The following RIMS1 variants were observed in gnomAD, a reference collection of about 807,000 sequenced individuals.
RIMS1 encodes the protein regulating synaptic membrane exocytosis protein 1.
In RIMS1, 83 loss-of-function variants were observed where a neutral mutation model predicts 214.1. The observed-to-expected ratio is 0.39, with a 90% CI of 0.32 to 0.47. The LOEUF is 0.47. Among genes scored for constraint, RIMS1 ranks in the 20% least tolerant of loss-of-function variants. RIMS1 has a pLI of 0.99. For missense variants in RIMS1, 2,050 were observed against 2,161.8 expected, an observed-to-expected ratio of 0.95 and a Z score of 1.03; for synonymous variants, 793 against 786.8, an observed-to-expected ratio of 1.01 and a Z score of -0.13.
At chr6:72,222,858 A>G (rs1476269188) in intron 6 of RIMS1, among the ~76,000 whole-genome samples, 1 of 152,170 alleles carries the variant, frequency 6.6e-6, no homozygotes, top group Non-Finnish European at 1.5e-5. Flanking sequence ...AGTTGTTTTC[A>G]TATATAACTG....
chr6:72,308,040 T>C (rs921776459), intron 27 of RIMS1, among the ~76,000 whole-genome samples: 1 of 152,172 alleles, frequency 6.6e-6, no homozygotes, highest in African/African-American at 2.4e-5. Context: ...TATATATTTA[T>C]AGTCTTAAGT....
rs769837216 is a variant in RIMS1, at chr6:72,182,782, G to A, written c.1311G>A (p.Arg437=). Residue 437 remains arginine (R), a synonymous_variant, in exon 6 of 34, where the codon AGG becomes AGA. Transcript: ENST00000521978. ...AYSAERTAET[R]APGAKQLTNH... The stretch of plus-strand genomic sequence containing the variant: ...CGGCTGAGAGAACTGCGGAGACCAG[G>A]GCGCCGGGCGCCAAGCAGCTAACGA... 41 of 1,545,430 alleles carry A rather than the reference G, an allele frequency of 2.7e-5. 1 individual carries two copies. In the East Asian group the frequency reaches 6.6e-4, roughly 25 times the overall value.
At chr6:72,294,982 A>G (rs2093908444) in intron 26 of RIMS1, among the ~76,000 whole-genome samples, 3 of 151,848 alleles carry the variant, frequency 2.0e-5, no homozygotes, top group South Asian at 4.1e-4. Flanking sequence ...ATTTCAACAC[A>G]ATATCCCAGC....
chr6:72,022,927 G>T (rs1443076342), intron 2 of RIMS1, among the ~76,000 whole-genome samples: 2 of 152,118 alleles, frequency 1.3e-5, no homozygotes, highest in Non-Finnish European at 2.9e-5. Context: ...ATTGAAAGAT[G>T]ATTTTTATAA....
At chr6:72,075,438 G>GA (rs141627898) in intron 2 of RIMS1, among the ~76,000 whole-genome samples, 18,385 of 152,086 alleles carry the variant, frequency 0.12, 1,380 homozygotes, top group South Asian at 0.18. Context: ...GGAAAAGGGG[G>GA]AGATATCCTT....
chr6:72,367,089 A>G (rs1386637349), intron 29 of RIMS1, among the ~76,000 whole-genome samples: 2 of 152,234 alleles, frequency 1.3e-5, no homozygotes, highest in African/African-American at 2.4e-5. Context: ...TTAAAAAATG[A>G]TGTTGCAACA....
At chr6:72,131,442 G>C (rs140194444) in intron 4 of RIMS1, among the ~76,000 whole-genome samples, 1 of 152,116 alleles carries the variant, frequency 6.6e-6, no homozygotes, top group Non-Finnish European at 1.5e-5. Flanking sequence ...AAAGCTGGGC[G>C]TCCGGGGGAG....
chr6:72,000,859 C>G (rs1263856625), intron 2 of RIMS1, among the ~76,000 whole-genome samples: 1 of 152,108 alleles, frequency 6.6e-6, no homozygotes, highest in Non-Finnish European at 1.5e-5. Flanking sequence ...CCTCAATAAT[C>G]CTTCCCTCAA....
intron 16 of RIMS1, among the ~76,000 whole-genome samples, chr6:72,257,085 A>G (rs2154150987): frequency 6.6e-6 from 1 of 152,130 alleles, no homozygotes; most frequent in African/African-American, 2.4e-5. Context: ...TTCATAACAT[A>G]TTTTTGAGAT....
chr6:71,963,154 T>G (rs1348022591), intron 1 of RIMS1, among the ~76,000 whole-genome samples: 1 of 152,172 alleles, frequency 6.6e-6, no homozygotes, highest in Non-Finnish European at 1.5e-5. Flanking sequence ...TCACAGTTGA[T>G]GTTTATCAGT....
At chr6:71,895,901 A>G (rs1329423780) in intron 1 of RIMS1, among the ~76,000 whole-genome samples, 1 of 152,198 alleles carries the variant, frequency 6.6e-6, no homozygotes, top group African/African-American at 2.4e-5. Flanking sequence ...AAGATTACTT[A>G]GCGTATTGGT....
chr6:71,973,161 G>A (rs908498044), intron 2 of RIMS1, among the ~76,000 whole-genome samples: 3 of 152,170 alleles, frequency 2.0e-5, no homozygotes, highest in Non-Finnish European at 4.4e-5. Context: ...GCCCACCTTG[G>A]CCTCCCAAAG....
In RIMS1 at chr6:72,390,753, C is replaced by T. The variant is rs75949510; in HGVS notation, c.4505+17C>T. Reference sequence around the variant, plus strand: ...TGAGGGCAAGTAAGTGCTGTCAGCACGTCTGCATGGCTGTGGAACCAGGAA... The same window carrying T: ...TGAGGGCAAGTAAGTGCTGTCAGCATGTCTGCATGGCTGTGGAACCAGGAA... On this transcript the variant is annotated intron_variant, in intron 30 of 33. Coordinates refer to ENST00000521978, the MANE Select transcript of RIMS1 (RefSeq NM_014989.7). 2.7e-5 allele frequency: 43 copies of T among 1,612,734 alleles called. No homozygotes were observed. Among genetic ancestry groups the T allele is most frequent in the East Asian group, 2.0e-4 (9 of 44,848 alleles).
intron 4 of RIMS1, among the ~76,000 whole-genome samples, chr6:72,177,291 G>C (rs549941477): frequency 1.3e-5 from 2 of 152,048 alleles, no homozygotes; most frequent in Non-Finnish European, 2.9e-5. Context: ...TCGCTCTATC[G>C]TCCAGGCTGG....
chr6:72,154,852 A>G lies in RIMS1; in HGVS notation c.472-24723A>G, dbSNP rs1445118132. ...GAACTCCTGGCTCCTTCTGGTGTGCAAGATGCTGCCCTAGAGGCCCACTTC... is the reference window on the plus strand; with the variant it reads ...GAACTCCTGGCTCCTTCTGGTGTGCGAGATGCTGCCCTAGAGGCCCACTTC... On this transcript the variant is annotated intron_variant, in intron 4 of 33. Coordinates refer to ENST00000521978, the MANE Select transcript of RIMS1 (RefSeq NM_014989.7). 2.1e-5 allele frequency among the ~76,000 whole-genome samples: 3 copies of G among 140,548 alleles called. 1 individual carries two copies. Among genetic ancestry groups the G allele is most frequent in the Non-Finnish European group, 4.9e-5 (3 of 61,812 alleles). The allele number at this position is 140,548 out of a possible 152,430, so 92.2% of individuals were successfully genotyped here.
At chr6:72,384,169 C>T (rs2098545730) in intron 29 of RIMS1, among the ~76,000 whole-genome samples, 1 of 152,052 alleles carries the variant, frequency 6.6e-6, no homozygotes, top group South Asian at 2.1e-4. Context: ...TGTGTTTTTC[C>T]CTGTTCATCT....
intron 4 of RIMS1, among the ~76,000 whole-genome samples, chr6:72,172,709 A>C (rs991235838): frequency 1.3e-5 from 2 of 152,236 alleles, no homozygotes; most frequent in Non-Finnish European, 2.9e-5. Context: ...TTAGCTTCAA[A>C]TGTAAATGGG....
intron 2 of RIMS1, among the ~76,000 whole-genome samples, chr6:72,074,746 G>A (rs1278602810): frequency 2.6e-5 from 4 of 152,174 alleles, no homozygotes; most frequent in African/African-American, 9.7e-5. Context: ...TTGAGCTAAG[G>A]TAATTAAAGT....
chr6:72,087,144 T>C (rs1479335895), intron 2 of RIMS1, among the ~76,000 whole-genome samples: 1 of 152,132 alleles, frequency 6.6e-6, no homozygotes, highest in Non-Finnish European at 1.5e-5. Flanking sequence ...CCACAAAGCT[T>C]GCAGAAAAAA....
Sources: allele counts gnomAD v4.1 joint callset (sites outside exome capture counted in the v4.1 genomes callset), GRCh38; gene constraint gnomAD v4.1.1; transcripts MANE v1.5; gene names NCBI Gene and HGNC (gene_info 2026-07-23, HGNC 2026-07-21).